KRABD5: variants seen among roughly 807,000 people sequenced by gnomAD.
KRABD5 encodes the protein KRAB domain-containing protein 5.
the KRABD5 span, among the ~76,000 whole-genome samples, chr16:31,729,782 T>C: frequency 6.6e-6 from 1 of 152,106 alleles, no homozygotes; most frequent in African/African-American, 2.4e-5. Flanking sequence ...CTTTGATTAC[T>C]TTCTTTTTTT....
At chr16:31,732,201 C>G in the KRABD5 span, among the ~76,000 whole-genome samples, 1 of 152,206 alleles carries the variant, frequency 6.6e-6, no homozygotes, top group Non-Finnish European at 1.5e-5. Flanking sequence ...ATCTTGGGCT[C>G]CAGCTGGGTG....
chr16:31,761,196 A>C, the KRABD5 span: 1 of 152,156 alleles, frequency 6.6e-6, no homozygotes, highest in Admixed American at 6.5e-5. Context: ...TTTGCAATGC[A>C]TGTTTTTAGC....
At chr16:31,759,165 A>G in the KRABD5 span, 1 of 517,510 alleles carries the variant, frequency 1.9e-6, no homozygotes, top group Non-Finnish European at 3.5e-6. Context: ...TTTAGTCATA[A>G]TAGCCCAAAA....
chr16:31,713,749 C>G, the KRABD5 span, among the ~76,000 whole-genome samples: 4 of 152,256 alleles, frequency 2.6e-5, no homozygotes, highest in East Asian at 5.8e-4. Flanking sequence ...GCGTGTGATT[C>G]GTGTGTGGGA....
At chr16:31,722,510 C>T in the KRABD5 span, 4 of 1,117,252 alleles carry the variant, frequency 3.6e-6, no homozygotes, top group Non-Finnish European at 5.2e-6. Context: ...TTGAATATTT[C>T]AGGTCACTCA....
At chr16:31,748,125 T>A in the KRABD5 span, among the ~76,000 whole-genome samples, 3 of 152,122 alleles carry the variant, frequency 2.0e-5, no homozygotes, top group Admixed American at 2.0e-4. Context: ...TGGTTTTAGG[T>A]CTAACATGTA....
At chr16:31,731,133 C>T in the KRABD5 span, among the ~76,000 whole-genome samples, 2 of 152,060 alleles carry the variant, frequency 1.3e-5, no homozygotes, top group African/African-American at 4.8e-5. Flanking sequence ...ATGTTTATGT[C>T]CCTGAATGTG....
the KRABD5 span, among the ~76,000 whole-genome samples, chr16:31,729,699 A>G: frequency 6.6e-6 from 1 of 151,902 alleles, no homozygotes; most frequent in African/African-American, 2.4e-5. Context: ...TTTCTATTTT[A>G]TACTTTGTTT....
chr16:31,754,154 A>G, the KRABD5 span: 1 of 694,266 alleles, frequency 1.4e-6, no homozygotes. Flanking sequence ...ATTTAAACCA[A>G]TTAAAATATA....
At chr16:31,754,737 T>G in the KRABD5 span, 1 of 459,506 alleles carries the variant, frequency 2.2e-6, no homozygotes, top group Non-Finnish European at 4.4e-6. Flanking sequence ...GAGAAAATCC[T>G]TAGTAAATTG....
At chr16:31,729,002 A>G in the KRABD5 span, among the ~76,000 whole-genome samples, 1 of 152,186 alleles carries the variant, frequency 6.6e-6, no homozygotes, top group African/African-American at 2.4e-5. Flanking sequence ...CCTCTAGACA[A>G]ATTAACCTCT....
the KRABD5 span, chr16:31,761,006 C>T: frequency 6.6e-6 from 1 of 152,166 alleles, no homozygotes; most frequent in Non-Finnish European, 1.5e-5. Flanking sequence ...AAGTGGCACT[C>T]TCCAGAACCT....
chr16:31,753,033 T>C, the KRABD5 span, among the ~76,000 whole-genome samples: 1 of 152,202 alleles, frequency 6.6e-6, no homozygotes, highest in Non-Finnish European at 1.5e-5. Context: ...CTTGTGATTT[T>C]GTTGATATTT....
the KRABD5 span, chr16:31,755,844 T>C: frequency 3.4e-6 from 1 of 296,230 alleles, no homozygotes; most frequent in Non-Finnish European, 6.6e-6. Context: ...AACTCAAATC[T>C]GAATGTGTCA....
At chr16:31,755,436 A>G in the KRABD5 span, 1 of 479,122 alleles carries the variant, frequency 2.1e-6, no homozygotes, top group Admixed American at 2.3e-5. Flanking sequence ...CTTACTAAAC[A>G]TCAGAGAATT....
the KRABD5 span, among the ~76,000 whole-genome samples, chr16:31,741,044 A>G: frequency 6.6e-6 from 1 of 152,056 alleles, no homozygotes; most frequent in African/African-American, 2.4e-5. Context: ...CCTAATGTTT[A>G]GTTCCCACTT....
chr16:31,714,553 C>G, the KRABD5 span: 1 of 377,590 alleles, frequency 2.6e-6, no homozygotes, highest in African/African-American at 2.1e-5. Context: ...AGAAGGCACC[C>G]CACCTCGATG....
At chr16:31,747,762 G>A in the KRABD5 span, among the ~76,000 whole-genome samples, 1 of 152,220 alleles carries the variant, frequency 6.6e-6, no homozygotes, top group Non-Finnish European at 1.5e-5. Context: ...ATTTCTTCGT[G>A]TGGCTTTTGG....
At chr16:31,755,288 GA>G in the KRABD5 span, 1 of 503,828 alleles carries the variant, frequency 2.0e-6, no homozygotes, top group Non-Finnish European at 4.1e-6. Flanking sequence ...TCATACTGGA[GA>G]AAAACCCTAT....
Sources: gnomAD v4.1 joint callset for allele counts (sites outside exome capture counted in the v4.1 genomes callset) on GRCh38, gnomAD v4.1.1 for gene constraint, MANE v1.5 for transcripts, NCBI Gene and HGNC (gene_info 2026-07-23, HGNC 2026-07-21) for gene names.